Variants in KIF6 observed in about 807,000 individuals in gnomAD.
The protein encoded by KIF6 is kinesin-like protein KIF6.
Under a neutral mutation model 112.7 loss-of-function variants are expected in KIF6, and 106 were observed. That is an observed-to-expected ratio of 0.94 (90% confidence interval 0.80 to 1.11). The LOEUF (loss-of-function observed/expected upper bound fraction) is 1.11, where lower values mean the gene tolerates loss of function less well. KIF6 is among the 50% of genes least tolerant of loss of function. The pLI is 0.00. For missense variants in KIF6, 929 were observed against 964.0 expected (o/e 0.96, Z 0.48); for synonymous variants, 339 against 339.9 (o/e 1.00, Z 0.03).
chr6:39,511,152 A>G (rs910862492), intron 13 of KIF6, among the ~76,000 whole-genome samples: 2 of 152,198 alleles, frequency 1.3e-5, no homozygotes, highest in African/African-American at 4.8e-5. Context: ...TAGACAGATC[A>G]ATGAGACAGA....
chr6:39,337,175 CTTTCTTTCTTTCTTT>C lies in KIF6; in HGVS notation c.2429-642_2429-628del, dbSNP rs1763022807. Among the ~76,000 whole-genome samples the C allele has an allele frequency of 1.2e-4, 7 of 57,670 alleles. 1 individual carries two copies. The highest frequency in any genetic ancestry group is 6.8e-4 in the African/African-American group (5 of 7,314). The allele number at this position is 57,670 out of a possible 152,430, so 37.8% of individuals were successfully genotyped here. A position where few individuals can be genotyped will look rare whatever the true frequency, so the allele number is the denominator to read the frequency against. On this transcript the variant is annotated intron_variant, in intron 22 of 22. Transcript: ENST00000287152. ...CTTTCTTTTCTTTCTTTCCTTCCTT[CTTTCTTTCTTTCTTT>C]CTTTCTTTCTTTCTTTCTTTCTTTC...
intron 16 of KIF6, among the ~76,000 whole-genome samples, chr6:39,368,925 A>C (rs1433426253): frequency 6.6e-6 from 1 of 152,204 alleles, no homozygotes; most frequent in Non-Finnish European, 1.5e-5. Context: ...CTACCATGGC[A>C]GACAAGACAT....
chr6:39,553,646 A>T (rs1381716859), intron 10 of KIF6, among the ~76,000 whole-genome samples: 1 of 152,250 alleles, frequency 6.6e-6, no homozygotes, highest in Non-Finnish European at 1.5e-5. Context: ...GGTTTTGAAA[A>T]GTTATACGAT....
intron 3 of KIF6, among the ~76,000 whole-genome samples, chr6:39,644,933 G>T (rs111927046): frequency 0.069 from 10,532 of 152,194 alleles, 413 homozygotes; most frequent in Middle Eastern, 0.11. Flanking sequence ...AAGACAGAGA[G>T]AAGGGTAATT....
At chr6:39,658,175 A>G (rs1398263458) in intron 3 of KIF6, among the ~76,000 whole-genome samples, 1 of 152,194 alleles carries the variant, frequency 6.6e-6, no homozygotes, top group African/African-American at 2.4e-5. Flanking sequence ...TGGCATACTC[A>G]TATATACACA....
At chr6:39,685,457 G>A (rs910917678) in intron 3 of KIF6, among the ~76,000 whole-genome samples, 1 of 152,192 alleles carries the variant, frequency 6.6e-6, no homozygotes, top group Non-Finnish European at 1.5e-5. Context: ...GCAAGGGAAG[G>A]GAATGTAGGA....
chr6:39,349,596 C>T (rs1764060567), intron 19 of KIF6, among the ~76,000 whole-genome samples: 1 of 146,512 alleles, frequency 6.8e-6, no homozygotes, highest in Admixed American at 6.9e-5. Context: ...AGGCACTTGC[C>T]ATGGAGTGTG....
chr6:39,701,004 A>C (rs1429917071), intron 3 of KIF6, among the ~76,000 whole-genome samples: 3 of 152,118 alleles, frequency 2.0e-5, no homozygotes, highest in African/African-American at 7.2e-5. Flanking sequence ...CTAGCCTTTA[A>C]ATTTAATTTT....
In KIF6 at chr6:39,400,868, A is replaced by C. The variant is rs1768648083; in HGVS notation, c.1811-15196T>G. 2.0e-5 allele frequency among the ~76,000 whole-genome samples: 3 copies of C among 152,242 alleles called. No homozygotes were observed. The South Asian group carries it at 6.2e-4, about 32-fold the overall frequency. On this transcript the variant is annotated intron_variant, in intron 15 of 22. Transcript: ENST00000287152. ...TGGGCCTTAGGATATTTTCTGCTGG[A>C]GACAATACACTTGATGTAATGATTT...
At chr6:39,689,695 C>T (rs192988187) in intron 3 of KIF6, among the ~76,000 whole-genome samples, 9 of 152,206 alleles carry the variant, frequency 5.9e-5, no homozygotes, top group Non-Finnish European at 1.3e-4. Context: ...GCCTTGACCT[C>T]CTGGACTCAA....
chr6:39,517,113 T>G (rs1777129389), intron 13 of KIF6, among the ~76,000 whole-genome samples: 2 of 152,178 alleles, frequency 1.3e-5, no homozygotes, highest in Admixed American at 1.3e-4. Context: ...AGTGTGTCAT[T>G]TATCACAGCT....
intron 3 of KIF6, among the ~76,000 whole-genome samples, chr6:39,670,132 C>A (rs1231996757): frequency 6.6e-6 from 1 of 152,038 alleles, no homozygotes; most frequent in Non-Finnish European, 1.5e-5. Flanking sequence ...ACTCTGGGCG[C>A]GGGAGAAGGA....
At chr6:39,479,373 C>A (rs967941841) in intron 13 of KIF6, among the ~76,000 whole-genome samples, 1 of 151,928 alleles carries the variant, frequency 6.6e-6, no homozygotes, top group African/African-American at 2.4e-5. Flanking sequence ...TTCCCCACTT[C>A]ATGTTTTTGT....
At chr6:39,655,199 T>C (rs1420181392) in intron 3 of KIF6, among the ~76,000 whole-genome samples, 1 of 152,228 alleles carries the variant, frequency 6.6e-6, no homozygotes, top group East Asian at 1.9e-4. Context: ...TCAAACATTT[T>C]CATATTCATA....
At chr6:39,648,347 C>T (rs567856362) in intron 3 of KIF6, among the ~76,000 whole-genome samples, 10 of 151,962 alleles carry the variant, frequency 6.6e-5, no homozygotes, top group Non-Finnish European at 1.2e-4. Context: ...CAGCCAAGGG[C>T]CTTGATTTTT....
At chr6:39,549,771 A>T (rs1250481544) in intron 10 of KIF6, among the ~76,000 whole-genome samples, 1 of 152,234 alleles carries the variant, frequency 6.6e-6, no homozygotes, top group Admixed American at 6.5e-5. Context: ...AGATTACTTA[A>T]ATTAATTATG....
chr6:39,439,937 T>C, intron 13 of KIF6, among the ~76,000 whole-genome samples: 1 of 152,250 alleles, frequency 6.6e-6, no homozygotes, highest in Non-Finnish European at 1.5e-5. Context: ...CTACTGCTGC[T>C]TAAGCTATTG....
At chr6:39,391,709 T>TA (rs995557665) in intron 15 of KIF6, among the ~76,000 whole-genome samples, 2 of 151,998 alleles carry the variant, frequency 1.3e-5, no homozygotes, top group African/African-American at 2.4e-5. Context: ...AATCTCATGC[T>TA]AAAAAAAAGA....
At chr6:39,410,603 TAAAAG>T (rs562915698) in intron 15 of KIF6, among the ~76,000 whole-genome samples, 4 of 152,170 alleles carry the variant, frequency 2.6e-5, no homozygotes, top group African/African-American at 4.8e-5. Flanking sequence ...GAGGAACTCA[TAAAAG>T]AAAAGATCAA....
Sources: allele counts gnomAD v4.1 joint callset (sites outside exome capture counted in the v4.1 genomes callset), GRCh38; gene constraint gnomAD v4.1.1; transcripts MANE v1.5; gene names NCBI Gene and HGNC (gene_info 2026-07-23, HGNC 2026-07-21).